Variants in SORBS2 observed in about 807,000 individuals in gnomAD.
SORBS2 encodes the protein sorbin and SH3 domain-containing protein 2.
A neutral mutation model predicts 97.7 loss-of-function variants in SORBS2; 46 were observed. The observed-to-expected ratio is 0.47, with a 90% CI of 0.37 to 0.60. SORBS2 has a LOEUF of 0.60. SORBS2 is among the 20% of genes least tolerant of loss of function. The probability of loss-of-function intolerance (pLI) is 0.00; values close to 1 mark genes in which losing one functional copy is unlikely to be tolerated. For synonymous variants in SORBS2, 476 were observed against 473.4 expected (o/e 1.01, Z -0.07); for missense variants, 1,316 against 1,282.3 (o/e 1.03, Z -0.40).
chr4:185,824,784 T>C (rs1244281662), intron 1 of SORBS2, among the ~76,000 whole-genome samples: 2 of 152,198 alleles, frequency 1.3e-5, no homozygotes, highest in Non-Finnish European at 1.5e-5. Flanking sequence ...GGGATAGGTG[T>C]GATATGTTGA....
chr4:185,632,602 C>T (rs947693004), intron 4 of SORBS2, among the ~76,000 whole-genome samples: 2 of 152,204 alleles, frequency 1.3e-5, no homozygotes, highest in African/African-American at 4.8e-5. Context: ...AGAGCATCGG[C>T]GTCTGTGCAG....
chr4:185,758,097 CA>C (rs1159428380), intron 2 of SORBS2, among the ~76,000 whole-genome samples: 2 of 152,154 alleles, frequency 1.3e-5, no homozygotes, highest in Admixed American at 1.3e-4. Flanking sequence ...AAACTAGTGA[CA>C]CAGTTAATGA....
At chr4:185,702,772 T>A (rs377247843) in intron 2 of SORBS2, among the ~76,000 whole-genome samples, 1 of 152,092 alleles carries the variant, frequency 6.6e-6, no homozygotes, top group Non-Finnish European at 1.5e-5. Context: ...GTTTATAACA[T>A]GAAAGACTTG....
chr4:185,718,087 T>C (rs79879454), intron 2 of SORBS2, among the ~76,000 whole-genome samples: 1,782 of 152,066 alleles, frequency 0.012, 13 homozygotes, highest in Non-Finnish European at 0.017. Context: ...AAAAATTAGC[T>C]GGGTGTGGTG....
intron 2 of SORBS2, among the ~76,000 whole-genome samples, chr4:185,721,993 C>G (rs2098518473): frequency 6.6e-6 from 1 of 152,166 alleles, no homozygotes; most frequent in Non-Finnish European, 1.5e-5. Flanking sequence ...ATGAGAAGTT[C>G]TTTAGATTTC....
chr4:185,830,387 A>AT (rs1381965666), intron 1 of SORBS2, among the ~76,000 whole-genome samples: 1 of 152,170 alleles, frequency 6.6e-6, no homozygotes, highest in South Asian at 2.1e-4. Flanking sequence ...GGGTCAGCAC[A>AT]TTTTTGCCAC....
chr4:185,635,360 T>C (rs774419082), intron 4 of SORBS2: 45 of 1,612,752 alleles, frequency 2.8e-5, no homozygotes, highest in Non-Finnish European at 3.7e-5. Flanking sequence ...TTTACCTCAT[T>C]GAAAACACCA....
intron 1 of SORBS2, among the ~76,000 whole-genome samples, chr4:185,827,941 T>TAC (rs2099202720): frequency 7.1e-6 from 1 of 140,454 alleles, no homozygotes; most frequent in Admixed American, 7.2e-5. Flanking sequence ...ATCACCATCA[T>TAC]CATCATCATC....
At chr4:185,767,510 AAAAAAAAAAG>A (rs1350250587) in intron 2 of SORBS2, among the ~76,000 whole-genome samples, 7 of 148,340 alleles carry the variant, frequency 4.7e-5, no homozygotes, top group South Asian at 2.2e-4. Context: ...AAAAAAAAAA[AAAAAAAAAAG>A]AGAAAGAAAA....
chr4:185,670,638 C>T (rs995455909), intron 4 of SORBS2, among the ~76,000 whole-genome samples: 12 of 150,618 alleles, frequency 8.0e-5, no homozygotes, highest in African/African-American at 2.9e-4. Context: ...TTGCTCTCGA[C>T]CTCCAAAAGT....
At chr4:185,722,136 A>G (rs1426247934) in intron 2 of SORBS2, among the ~76,000 whole-genome samples, 6 of 152,206 alleles carry the variant, frequency 3.9e-5, no homozygotes, top group African/African-American at 1.4e-4. Context: ...AACAAAAAAG[A>G]GATCATATTA....
intron 1 of SORBS2, among the ~76,000 whole-genome samples, chr4:185,814,458 T>G (rs2099192044): frequency 6.6e-6 from 1 of 152,104 alleles, no homozygotes; most frequent in African/African-American, 2.4e-5. Flanking sequence ...GGAGGAATGT[T>G]TGAGCCTGGG....
intron 4 of SORBS2, 152 bp from the exon 17 acceptor site, chr4:185,630,750 G>C: frequency 1.7e-6 from 1 of 599,746 alleles, no homozygotes; most frequent in South Asian, 2.0e-5. Flanking sequence ...TCTTCCCAAA[G>C]AGAGATCATG....
intron 6 of SORBS2, among the ~76,000 whole-genome samples, chr4:185,625,896 T>C (rs1236273302): frequency 6.6e-6 from 1 of 152,234 alleles, no homozygotes; most frequent in East Asian, 1.9e-4. Flanking sequence ...AGTTGATAGG[T>C]GTAGCTGAAT....
intron 1 of SORBS2, among the ~76,000 whole-genome samples, chr4:185,899,510 C>A (rs2099246553): frequency 6.6e-6 from 1 of 152,100 alleles, no homozygotes. Flanking sequence ...TGGATCCCTG[C>A]AGCCTCCTGG....
intron 1 of SORBS2, among the ~76,000 whole-genome samples, chr4:185,786,732 C>T (rs868376100): frequency 5.0e-4 from 76 of 152,220 alleles, no homozygotes; most frequent in Middle Eastern, 3.4e-3. Flanking sequence ...GAGGCCGGGG[C>T]GAGCAAATCA....
intron 1 of SORBS2, among the ~76,000 whole-genome samples, chr4:185,850,344 C>T (rs2099217138): frequency 6.6e-6 from 1 of 152,178 alleles, no homozygotes; most frequent in African/African-American, 2.4e-5. Context: ...GTCTAACATT[C>T]TGCTGACTTG....
Position 185,626,892 on chromosome 4 carries a change from T to A in SORBS2, c.574A>T (p.Ser192Cys), listed in dbSNP as rs769506293. 4 of 1,614,260 alleles carry A rather than the reference T, an allele frequency of 2.5e-6. No homozygotes were observed. The East Asian group carries it at 8.9e-5, about 36-fold the overall frequency. ...GTGAAAGACTTTGTAAGAGTGGTGC[T>A]TGATCCTGGGAGGTCCACTCGGCCT... The change falls in exon 6 of 15, where the codon AGC becomes TGC. Residue 192 changes from serine (S) to cysteine (C), a missense_variant. Coordinates refer to ENST00000418609, the Ensembl canonical transcript of SORBS2.
At chr4:185,841,464 C>A (rs1207673156) in intron 1 of SORBS2, among the ~76,000 whole-genome samples, 1 of 152,294 alleles carries the variant, frequency 6.6e-6, no homozygotes, top group African/African-American at 2.4e-5. Flanking sequence ...CTTCTATACT[C>A]TCCTCTGTAT....
Sources: allele counts gnomAD v4.1 joint callset (sites outside exome capture counted in the v4.1 genomes callset), GRCh38; gene constraint gnomAD v4.1.1; transcripts MANE v1.5; gene names NCBI Gene and HGNC (gene_info 2026-07-23, HGNC 2026-07-21).